Variants in ALPK2 observed in about 807,000 individuals in gnomAD.
ALPK2 encodes the protein alpha kinase 2.
ALPK2 carries 127 observed loss-of-function variants against 163.1 expected under a neutral mutation model. The observed-to-expected ratio is 0.78, with a 90% CI of 0.67 to 0.90. ALPK2 has a LOEUF of 0.90. Among genes scored for constraint, ALPK2 ranks in the 40% least tolerant of loss-of-function variants. The probability of loss-of-function intolerance (pLI) is 0.00; values close to 1 mark genes in which losing one functional copy is unlikely to be tolerated. For synonymous variants in ALPK2, 953 were observed against 959.1 expected, an observed-to-expected ratio of 0.99 and a Z score of 0.12; for missense variants, 2,360 against 2,589.6, an observed-to-expected ratio of 0.91 and a Z score of 1.92.
At chr18:58,525,918 G>A (rs2051581891) in intron 6 of ALPK2, among the ~76,000 whole-genome samples, 1 of 148,328 alleles carries the variant, frequency 6.7e-6, no homozygotes, top group Admixed American at 6.8e-5. Context: ...TCCAACATTT[G>A]TGGAGTATCT....
At chr18:58,566,791 T>G (rs542172263) in intron 4 of ALPK2, 1 of 152,300 alleles carries the variant, frequency 6.6e-6, no homozygotes, top group Admixed American at 6.5e-5. Context: ...AGAAGAAAAT[T>G]CCAGTCACGA....
intron 12 of ALPK2, among the ~76,000 whole-genome samples, chr18:58,487,175 A>C (rs1568063374): frequency 6.6e-6 from 1 of 152,000 alleles, no homozygotes; most frequent in Non-Finnish European, 1.5e-5. Context: ...TTACAGATGG[A>C]ATTTCTTAAA....
intron 8 of ALPK2, among the ~76,000 whole-genome samples, chr18:58,522,986 A>G (rs1019423314): frequency 3.3e-5 from 5 of 149,974 alleles, no homozygotes; most frequent in African/African-American, 9.9e-5. Flanking sequence ...ATATGTATAC[A>G]TGTGCCATGC....
intron 4 of ALPK2, among the ~76,000 whole-genome samples, chr18:58,551,222 C>T (rs1469875863): frequency 6.6e-6 from 1 of 152,180 alleles, no homozygotes; most frequent in Non-Finnish European, 1.5e-5. Flanking sequence ...GCTTAAAACA[C>T]CACAGCTTTA....
intron 11 of ALPK2, among the ~76,000 whole-genome samples, chr18:58,499,945 G>GA (rs1568067093): frequency 6.6e-6 from 1 of 152,236 alleles, no homozygotes; most frequent in Non-Finnish European, 1.5e-5. Context: ...TGAGGCCCAG[G>GA]AAAAGACAGC....
chr18:58,591,991 C>T (rs1022045289), intron 3 of ALPK2, among the ~76,000 whole-genome samples: 2 of 152,200 alleles, frequency 1.3e-5, no homozygotes, highest in African/African-American at 4.8e-5. Flanking sequence ...CCTCAGGTTC[C>T]AGTTCACTGG....
rs570670198 is a variant in ALPK2 at position 58,579,824 on chromosome 18, AGGTTAG to A, written c.946_951del (p.Leu316_Thr317del). The A allele has an allele frequency of 4.0e-4, 638 of 1,614,180 alleles. 4 individuals carry two copies. The highest frequency in any genetic ancestry group is 3.5e-3 in the African/African-American group (265 of 75,036). On this transcript the variant is annotated inframe_deletion, in exon 4 of 13. Coordinates refer to ENST00000361673, the MANE Select transcript of ALPK2 (RefSeq NM_052947.4). ...TCATCATCTGAAAACTCCTCGGTGT[AGGTTAG>A]GGTTATCTCTGGGCAAAGTTCATAG...
chr18:58,551,225 C>T (rs1173967273), intron 4 of ALPK2, among the ~76,000 whole-genome samples: 1 of 152,174 alleles, frequency 6.6e-6, no homozygotes, highest in Non-Finnish European at 1.5e-5. Context: ...TAAAACACCA[C>T]AGCTTTACTC....
Position 58,579,383 on chromosome 18 carries a change from TTCCTGGATAA to T in ALPK2, c.1383_1392del (p.Asp461GlufsTer28). 6.2e-7 allele frequency: 1 copy of T among 1,614,176 alleles called. No individual in the cohort carries two copies. The highest frequency in any genetic ancestry group is 8.5e-7 in the Non-Finnish European group (1 of 1,180,030). On this transcript the variant is annotated frameshift_variant, in exon 4 of 13. Transcript: ENST00000361673. LOFTEE classifies it high-confidence loss of function. ...TGGCTGTCTCTGGTTTCTCCTTGAA[TTCCTGGATAA>T]TCATTTTCAGCAGCCTCGGGAGCAG...
chr18:58,520,087 C>T (rs1268910601), intron 8 of ALPK2, among the ~76,000 whole-genome samples: 2 of 152,082 alleles, frequency 1.3e-5, no homozygotes, highest in African/African-American at 4.8e-5. Flanking sequence ...CCAGGACTCA[C>T]ACTCCACGCT....
intron 4 of ALPK2, among the ~76,000 whole-genome samples, chr18:58,560,683 G>GA (rs373803311): frequency 5.3e-4 from 80 of 152,334 alleles, no homozygotes; most frequent in African/African-American, 1.8e-3. Context: ...TGAGAATCAG[G>GA]ATGTGGATGT....
chr18:58,488,484 C>T (rs1296230635), intron 12 of ALPK2, among the ~76,000 whole-genome samples: 1 of 134,268 alleles, frequency 7.4e-6, no homozygotes, highest in Non-Finnish European at 1.6e-5. Context: ...GTATTGGCTC[C>T]AAACACACCT....
chr18:58,487,816 A>T (rs1006665823), intron 12 of ALPK2, among the ~76,000 whole-genome samples: 12 of 152,218 alleles, frequency 7.9e-5, no homozygotes, highest in Non-Finnish European at 1.3e-4. Flanking sequence ...GAGCCCAGGA[A>T]TACAAGACCA....
chr18:58,529,527 G>T (rs2051601392), intron 5 of ALPK2, among the ~76,000 whole-genome samples: 1 of 152,120 alleles, frequency 6.6e-6, no homozygotes, highest in Admixed American at 6.5e-5. Context: ...ATGAGAGGTG[G>T]GAGGATTTTA....
At chr18:58,566,831 G>A (rs1401766265) in intron 4 of ALPK2, among the ~76,000 whole-genome samples, 1 of 152,174 alleles carries the variant, frequency 6.6e-6, no homozygotes, top group African/African-American at 2.4e-5. Context: ...GGGCAAAGGA[G>A]GTTACACTTG....
intron 3 of ALPK2, among the ~76,000 whole-genome samples, chr18:58,582,246 A>C (rs963592192): frequency 2.6e-5 from 4 of 152,232 alleles, no homozygotes; most frequent in Non-Finnish European, 5.9e-5. Flanking sequence ...TGCAAAGAAG[A>C]AATGTTATAC....
chr18:58,528,119 A>T (rs2051593182), intron 6 of ALPK2, among the ~76,000 whole-genome samples: 1 of 152,222 alleles, frequency 6.6e-6, no homozygotes, highest in African/African-American at 2.4e-5. Context: ...TTGAACAAGC[A>T]TTTATTGCCA....
intron 5 of ALPK2, among the ~76,000 whole-genome samples, chr18:58,534,150 C>CTT (rs10714071): frequency 7.6e-5 from 11 of 145,690 alleles, no homozygotes; most frequent in African/African-American, 2.6e-4. Context: ...AATTTCAGGA[C>CTT]TTTTTTTTTT....
chr18:58,564,851 T>G (rs4940412), intron 4 of ALPK2, among the ~76,000 whole-genome samples: 1 of 152,240 alleles, frequency 6.6e-6, no homozygotes, highest in East Asian at 1.9e-4. Context: ...AAAATTTTTT[T>G]AAAAGTTTTC....
Sources: allele counts gnomAD v4.1 joint callset (sites outside exome capture counted in the v4.1 genomes callset), GRCh38; gene constraint gnomAD v4.1.1; transcripts MANE v1.5; gene names NCBI Gene and HGNC (gene_info 2026-07-23, HGNC 2026-07-21).